MARS1: variants seen among roughly 807,000 people sequenced by gnomAD.
MARS1 encodes methionyl-tRNA synthetase 1.
A neutral mutation model predicts 119.5 loss-of-function variants in MARS1; 80 were observed. That is an observed-to-expected ratio of 0.67 (90% CI 0.56 to 0.81). The LOEUF (loss-of-function observed/expected upper bound fraction) is 0.81. Among genes scored for constraint, MARS1 ranks in the 30% least tolerant of loss-of-function variants. The pLI is 0.00. For missense variants in MARS1, 945 were observed against 1,116.5 expected (o/e 0.85, Z 2.19); for synonymous variants, 418 against 433.4 (o/e 0.96, Z 0.44).
intron 15 of MARS1, among the ~76,000 whole-genome samples, chr12:57,513,811 G>T (rs577743378): frequency 3.3e-5 from 5 of 151,966 alleles, no homozygotes; most frequent in Admixed American, 2.0e-4. Context: ...CTCACTTTCA[G>T]CTTTGGTAAT....
intron 7 of MARS1, among the ~76,000 whole-genome samples, chr12:57,497,326 C>G (rs2140015615): frequency 6.6e-6 from 1 of 152,262 alleles, no homozygotes; most frequent in Admixed American, 6.5e-5. Context: ...GTTGGGCCAT[C>G]TATTGGGATA....
At chr12:57,508,753 G>T (rs992621312) in intron 11 of MARS1, among the ~76,000 whole-genome samples, 2 of 139,514 alleles carry the variant, frequency 1.4e-5, no homozygotes, top group Non-Finnish European at 3.2e-5. Flanking sequence ...ATAGAGATGG[G>T]GTTTCACTAT....
At chr12:57,490,953 T>C in intron 7 of MARS1, among the ~76,000 whole-genome samples, 1 of 149,166 alleles carries the variant, frequency 6.7e-6, no homozygotes, top group Non-Finnish European at 1.5e-5. Context: ...CTCAGCTTAC[T>C]GCAACCTCCG....
chr12:57,491,239 T>A (rs1875939129), intron 7 of MARS1, among the ~76,000 whole-genome samples: 1 of 152,132 alleles, frequency 6.6e-6, no homozygotes, highest in African/African-American at 2.4e-5. Flanking sequence ...CCAGTCCAGA[T>A]CTGTATTCTG....
intron 11 of MARS1, among the ~76,000 whole-genome samples, chr12:57,507,950 G>A (rs1279261789): frequency 3.2e-4 from 48 of 151,516 alleles, no homozygotes; most frequent in Non-Finnish European, 4.4e-4. Flanking sequence ...CAGATGGGGC[G>A]GCTGCCGGGC....
At chr12:57,491,548 A>G (rs1017412772) in intron 7 of MARS1, among the ~76,000 whole-genome samples, 3 of 152,146 alleles carry the variant, frequency 2.0e-5, no homozygotes, top group African/African-American at 4.8e-5. Context: ...CACTGTCACT[A>G]CACAGATACT....
intron 9 of MARS1, 122 bp downstream of exon 9, chr12:57,498,745 A>G (rs901735356): frequency 2.7e-5 from 23 of 861,834 alleles, no homozygotes; most frequent in African/African-American, 8.3e-5. Context: ...TAGGATCTCA[A>G]TATCACCCTG....
chr12:57,504,994 G>T (rs1162544411), intron 11 of MARS1, among the ~76,000 whole-genome samples: 2 of 150,490 alleles, frequency 1.3e-5, no homozygotes, highest in East Asian at 4.0e-4. Context: ...GTGAGCCACC[G>T]CACTGGGCCA....
rs1594810772 is a variant in MARS1, at chr12:57,493,088, C to T, written c.770+2444C>T. Among the ~76,000 whole-genome samples the T allele has an allele frequency of 4.0e-5, 6 of 151,498 alleles. 2 individuals carry two copies. Among genetic ancestry groups the T allele is most frequent in the African/African-American group, 1.5e-4 (6 of 41,250 alleles). The stretch of plus-strand genomic sequence containing the variant: ...GAGTGTGAGACAGTCTTAAGTGCTT[C>T]AATTTCTGGGAGGTCCCATTGTCAT... On this transcript the variant is annotated intron_variant, in intron 7 of 20. Transcript: ENST00000262027.
chr12:57,497,608 A>T (rs1712804450), intron 7 of MARS1, among the ~76,000 whole-genome samples: 1 of 152,308 alleles, frequency 6.6e-6, no homozygotes, highest in African/African-American at 2.4e-5. Context: ...CGGTGAAGGC[A>T]AAACTGGTGC....
intron 18 of MARS1, 191 bp downstream of exon 18, chr12:57,515,527 A>C: frequency 1.6e-6 from 1 of 617,704 alleles, no homozygotes; most frequent in South Asian, 2.1e-5. Context: ...TTCATGCCAG[A>C]AACCAGAACC....
Position 57,493,938 on chromosome 12 carries a change from TTA to T in MARS1, c.770+3304_770+3305del, listed in dbSNP as rs1198473845. 3.9e-3 allele frequency among the ~76,000 whole-genome samples: 369 copies of T among 95,840 alleles called. 4 individuals are homozygous for T. The highest frequency in any genetic ancestry group is 7.9e-3 in the Middle Eastern group (2 of 252). 62.9% of individuals were successfully genotyped at this position (95,840 alleles called of 152,430 possible). A position where few individuals can be genotyped will look rare whatever the true frequency, so the allele number is the denominator to read the frequency against. On this transcript the variant is annotated intron_variant, in intron 7 of 20. Coordinates refer to ENST00000262027, the MANE Select transcript of MARS1 (RefSeq NM_004990.4). ...TAATATATATAATATATATTATATA[TTA>T]TATATATATTTTTTAATTTTAATTT...
Position 57,512,310 on chromosome 12 carries a change from A to T in MARS1, c.1710A>T (p.Gly570=). Residue 570 remains glycine (G), a synonymous_variant, in exon 14 of 21, where the codon GGA becomes GGT. Transcript: ENST00000262027. ...TAGTCTTTCCTTGCTCAGCCCTAGG[A>T]GCTGAGGATAACTATACCTTGGTCA... ...HSLVFPCSAL[G]AEDNYTLVSH... 3.1e-6 allele frequency: 5 copies of T among 1,614,072 alleles called. No homozygotes were observed. Among genetic ancestry groups the T allele is most frequent in the African/African-American group, 1.3e-5 (1 of 74,996 alleles).
intron 7 of MARS1, among the ~76,000 whole-genome samples, chr12:57,495,332 T>G (rs1308734022): frequency 6.7e-6 from 1 of 148,282 alleles, no homozygotes; most frequent in Non-Finnish European, 1.5e-5. Context: ...GGGGTGGCGG[T>G]CGGGCAGAGA....
intron 15 of MARS1, 134 bp from the exon 16 acceptor site, chr12:57,514,586 G>A: frequency 9.6e-7 from 1 of 1,044,332 alleles, no homozygotes; most frequent in Admixed American, 1.7e-5. Context: ...GCTTGAGGGA[G>A]CCAGGAGTTA....
At chr12:57,497,509 TGAAAAG>T (rs1876692138) in intron 7 of MARS1, among the ~76,000 whole-genome samples, 1 of 152,114 alleles carries the variant, frequency 6.6e-6, no homozygotes, top group South Asian at 2.1e-4. Context: ...TGATGAAACT[TGAAAAG>T]GAATACTGCA....
chr12:57,496,096 C>A (rs1051570051), intron 7 of MARS1, among the ~76,000 whole-genome samples: 2 of 151,690 alleles, frequency 1.3e-5, no homozygotes, highest in African/African-American at 4.8e-5. Context: ...CTTGAACTGA[C>A]CTCATGATCC....
At position 57,515,224 on chromosome 12, in the gene MARS1, T is replaced by A. The variant is rs145085399; in HGVS notation, c.2279T>A (p.Met760Lys). Residue 760 changes from methionine to lysine, a missense_variant, in exon 18 of 21, where the codon ATG (methionine) becomes AAG (lysine). Coordinates refer to ENST00000262027, the MANE Select transcript of MARS1 (RefSeq NM_004990.4). ...ALLSVMLQPY[M>K]PTVSATIQAQ... ...CTCTCTGTCATGCTTCAGCCTTACA[T>A]GCCCACGGTTAGTGCCACAATCCAG... 6.2e-7 allele frequency: 1 copy of A among 1,614,086 alleles called. No individual in the cohort carries two copies. The highest frequency in any genetic ancestry group is 1.3e-5 in the African/African-American group (1 of 74,922).
Position 57,515,166 on chromosome 12 carries a change from G to A in MARS1, c.2221G>A (p.Val741Met). 3 of 1,614,216 alleles carry A rather than the reference G, an allele frequency of 1.9e-6. No homozygotes were observed. Among genetic ancestry groups the A allele is most frequent in the Non-Finnish European group, 1.7e-6 (2 of 1,180,034 alleles). The stretch of plus-strand genomic sequence containing the variant: ...CTTCCTCAGGCAACGGGCAGGAACA[G>A]TGACTGGCTTGGCAGTGAATATAGC... ...SEADRQRAGT[V>M]TGLAVNIAAL... Residue 741 changes from valine (V) to methionine (M), a missense_variant, in exon 18 of 21, where the codon GTG becomes ATG. Transcript: ENST00000262027.
Sources: allele counts gnomAD v4.1 joint callset (sites outside exome capture counted in the v4.1 genomes callset), GRCh38; gene constraint gnomAD v4.1.1; transcripts MANE v1.5; gene names NCBI Gene and HGNC (gene_info 2026-07-23, HGNC 2026-07-21).